Variants in DYNC2H1 observed in about 807,000 individuals in gnomAD.
The protein encoded by DYNC2H1 is cytoplasmic dynein 2 heavy chain 1.
A neutral mutation model predicts 570.0 loss-of-function variants in DYNC2H1; 410 were observed. That is an observed-to-expected ratio of 0.72 (90% confidence interval 0.66 to 0.78). The LOEUF is 0.78. Ranked by LOEUF, DYNC2H1 falls within the 30% of genes least tolerant of loss-of-function variation. The pLI, the probability that DYNC2H1 is intolerant of heterozygous loss-of-function variation, is 0.00. For synonymous variants in DYNC2H1, 1,688 were observed against 1,677.6 expected (o/e 1.01, Z -0.15); for missense variants, 4,865 against 5,046.4 (o/e 0.96, Z 1.09).
intron 82 of DYNC2H1, among the ~76,000 whole-genome samples, chr11:103,337,140 T>G (rs1255852371): frequency 1.3e-5 from 2 of 152,246 alleles, no homozygotes; most frequent in Non-Finnish European, 2.9e-5. Context: ...AGGACATGTT[T>G]CTGCTGCAGA....
intron 28 of DYNC2H1, among the ~76,000 whole-genome samples, chr11:103,159,826 A>C (rs1180021089): frequency 6.6e-6 from 1 of 152,134 alleles, no homozygotes; most frequent in Non-Finnish European, 1.5e-5. Flanking sequence ...AATATAACCC[A>C]TGGGCCAAAA....
rs1260956402 is a variant in DYNC2H1, at chr11:103,280,327, A to G, written c.10696-21A>G. On this transcript the variant is annotated intron_variant, in intron 70 of 88. Coordinates refer to ENST00000375735, the MANE Select transcript of DYNC2H1 (RefSeq NM_001377.3). This position sits in a 1 kb window ranked among gnomAD's most constrained non-coding sequence, Gnocchi z 4.7. ...GACACAAATTTTTAAAAGGCAAGAT[A>G]ATATCTGTTATTCTTTGCAGGCTGA... The G allele has an allele frequency of 1.3e-6, 2 of 1,551,138 alleles. No individual in the cohort carries two copies. Among genetic ancestry groups the G allele is most frequent in the Non-Finnish European group, 8.7e-7 (1 of 1,146,386 alleles).
At chr11:103,452,518 A>G (rs142488350) in intron 85 of DYNC2H1, among the ~76,000 whole-genome samples, 1 of 151,996 alleles carries the variant, frequency 6.6e-6, no homozygotes, top group Non-Finnish European at 1.5e-5. Context: ...TATTAGTGTT[A>G]ATTAATATGT....
At chr11:103,343,871 G>T (rs921017833) in intron 82 of DYNC2H1, among the ~76,000 whole-genome samples, 1 of 152,114 alleles carries the variant, frequency 6.6e-6, no homozygotes, top group Non-Finnish European at 1.5e-5. Context: ...TTGTGATTTG[G>T]TTTCATGGCT....
At position 103,186,387 on chromosome 11, in the gene DYNC2H1, T is replaced by G. The variant is rs761222472; in HGVS notation, c.6779T>G (p.Leu2260Arg). Residue 2260 changes from leucine to arginine, a missense_variant, in exon 42 of 89, where the codon CTT becomes CGT. By Grantham distance (102) the Leu-to-Arg change is moderately radical. Transcript: ENST00000375735. The surrounding 1 kb of genome is among the most constrained non-coding windows in gnomAD (Gnocchi z 4.5). ...GATGATTTCAGTAACGGCTTAACTC[T>G]TCCAGTCATTCAGACTCCTGACATG... Reference protein sequence around the residue: ...TADDFSNGLTLPVIQTPDMQR... With the variant: ...TADDFSNGLTRPVIQTPDMQR... 1.8e-5 allele frequency: 29 copies of G among 1,612,922 alleles called. No individual in the cohort carries two copies. In the East Asian group the frequency reaches 5.4e-4, roughly 30 times the overall value.
In DYNC2H1 at chr11:103,256,484, T is replaced by A. The variant is rs894142620; in HGVS notation, c.10461+244T>A. 7.2e-5 allele frequency among the ~76,000 whole-genome samples: 11 copies of A among 152,172 alleles called. No individual in the cohort carries two copies. Among genetic ancestry groups the A allele is most frequent in the African/African-American group, 2.7e-4 (11 of 41,452 alleles). ...TGCCTTCTACTGATTTCTGGCATAA[T>A]GTTATCTAAGGTAGAGCTGCAGTTT... On this transcript the variant is annotated intron_variant, in intron 68 of 88. Coordinates refer to ENST00000375735, the MANE Select transcript of DYNC2H1 (RefSeq NM_001377.3). This position sits in a 1 kb window ranked among gnomAD's most constrained non-coding sequence, Gnocchi z 4.0.
intron 88 of DYNC2H1, among the ~76,000 whole-genome samples, chr11:103,474,432 A>G (rs1478161112): frequency 6.6e-6 from 1 of 152,178 alleles, no homozygotes; most frequent in Non-Finnish European, 1.5e-5. Flanking sequence ...TTTTGTCTTC[A>G]TATGTGTTTT....
chr11:103,344,522 C>T (rs375984107), intron 82 of DYNC2H1, among the ~76,000 whole-genome samples: 25 of 152,274 alleles, frequency 1.6e-4, no homozygotes, highest in African/African-American at 5.8e-4. Context: ...GCCTTCATAC[C>T]TTCTGTTCCT....
chr11:103,277,087 G>C lies in DYNC2H1; in HGVS notation c.10696-3261G>C, dbSNP rs919764615. Reference sequence around the variant, plus strand: ...CAAGTTATTCATGCTCTTTGTAATAGCCAAATAATGTATACATATAAATAA... The same window carrying C: ...CAAGTTATTCATGCTCTTTGTAATACCCAAATAATGTATACATATAAATAA... On this transcript the variant is annotated intron_variant, in intron 70 of 88. Coordinates refer to ENST00000375735, the MANE Select transcript of DYNC2H1 (RefSeq NM_001377.3). This position sits in a 1 kb window ranked among gnomAD's most constrained non-coding sequence, Gnocchi z 4.3. Among the ~76,000 whole-genome samples, 2 of 151,778 alleles carry C rather than the reference G, an allele frequency of 1.3e-5. No homozygotes were observed.
intron 60 of DYNC2H1, among the ~76,000 whole-genome samples, chr11:103,231,858 C>G (rs12270528): frequency 0.039 from 5,895 of 151,866 alleles, 380 homozygotes; most frequent in African/African-American, 0.14. Flanking sequence ...AATTTTCTCT[C>G]TCTGTGTGTG....
intron 59 of DYNC2H1, among the ~76,000 whole-genome samples, chr11:103,230,313 C>G (rs1039726927): frequency 6.6e-6 from 1 of 152,152 alleles, no homozygotes; most frequent in African/African-American, 2.4e-5. Context: ...GCCTGGGCTC[C>G]TTGGCTGCTG....
Position 103,287,767 on chromosome 11 carries a change from C to T in DYNC2H1, c.11095+162C>T, listed in dbSNP as rs577139067. ...CTCTACCTGTTTTAGAAAAATAATT[C>T]TCGGCTGGGCATGGTGGCTCATTCT... On this transcript the variant is annotated intron_variant, in intron 75 of 88. Coordinates refer to ENST00000375735, the MANE Select transcript of DYNC2H1 (RefSeq NM_001377.3). The T allele has an allele frequency of 5.6e-5, 37 of 656,908 alleles. No homozygotes were observed. The South Asian group carries it at 9.6e-4, about 17-fold the overall frequency. The allele number at this position is 656,908 out of a possible 1,614,324, so 40.7% of individuals were successfully genotyped here.
chr11:103,474,120 C>A (rs748210876), intron 88 of DYNC2H1: 1 of 217,658 alleles, frequency 4.6e-6, no homozygotes, highest in South Asian at 4.7e-5. Context: ...GATGTTATCA[C>A]TATATTGTTG....
chr11:103,109,918 C>G (rs1858030658), intron 1 of DYNC2H1, 149 bp downstream of exon 1: 1 of 825,868 alleles, frequency 1.2e-6, no homozygotes. Flanking sequence ...GCATTATTGG[C>G]TTAGATGCGT....
intron 34 of DYNC2H1, 57 bp from the exon 35 acceptor site, chr11:103,173,025 T>G: frequency 1.0e-6 from 1 of 962,670 alleles, no homozygotes. Flanking sequence ...GCCTATATGT[T>G]AAATATTTTA....
At chr11:103,384,894 G>A (rs926204592) in intron 83 of DYNC2H1, among the ~76,000 whole-genome samples, 13 of 152,042 alleles carry the variant, frequency 8.6e-5, no homozygotes, top group African/African-American at 3.1e-4. Flanking sequence ...TTTTGGTTGT[G>A]AACTCTTGAG....
At position 103,170,780 on chromosome 11, in the gene DYNC2H1, A is replaced by G. The variant is rs1861534983; in HGVS notation, c.5152-106A>G. 1.8e-6 allele frequency: 2 copies of G among 1,088,142 alleles called. No homozygotes were observed. Among genetic ancestry groups the G allele is most frequent in the African/African-American group, 3.2e-5 (2 of 62,018 alleles). The allele number at this position is 1,088,142 out of a possible 1,614,324, so 67.4% of individuals were successfully genotyped here. On this transcript the variant is annotated intron_variant, in intron 33 of 88. Coordinates refer to ENST00000375735, the MANE Select transcript of DYNC2H1 (RefSeq NM_001377.3). The surrounding 1 kb of genome is among the most constrained non-coding windows in gnomAD (Gnocchi z 4.8). ...ATTTTAAAATGAGCAAAAGAGGCATAGATGGGATAAATTATCACCTTATCA... is the reference window on the plus strand; with the variant it reads ...ATTTTAAAATGAGCAAAAGAGGCATGGATGGGATAAATTATCACCTTATCA...
chr11:103,386,109 C>T (rs1460619716), intron 83 of DYNC2H1, among the ~76,000 whole-genome samples: 2 of 152,162 alleles, frequency 1.3e-5, no homozygotes, highest in African/African-American at 4.8e-5. Flanking sequence ...CTCGTAGTTA[C>T]ATTTGTTGCA....
chr11:103,136,081 T>A, intron 17 of DYNC2H1, 133 bp downstream of exon 17: 1 of 697,288 alleles, frequency 1.4e-6, no homozygotes, highest in East Asian at 3.1e-5. Flanking sequence ...GAGAGCTGGA[T>A]TCGTAGATAC....
Sources: gnomAD v4.1 joint callset for allele counts (sites outside exome capture counted in the v4.1 genomes callset) on GRCh38, gnomAD v4.1.1 for gene constraint, Gnocchi (gnomAD v3.1) non-coding constraint, MANE v1.5 for transcripts, NCBI Gene and HGNC (gene_info 2026-07-23, HGNC 2026-07-21) for gene names.